Variants in COL24A1 observed in about 807,000 individuals in gnomAD.
The protein encoded by COL24A1 is collagen alpha-1(XXIV) chain.
COL24A1 carries 224 observed loss-of-function variants against 253.9 expected under a neutral mutation model. That is an observed-to-expected ratio of 0.88 (90% confidence interval 0.79 to 0.99). The LOEUF is 0.99. COL24A1 is among the 50% of genes least tolerant of loss of function. The pLI is 0.00. For missense variants in COL24A1, 2,131 were observed against 2,068.5 expected, an observed-to-expected ratio of 1.03 and a Z score of -0.59; for synonymous variants, 685 against 673.7, an observed-to-expected ratio of 1.02 and a Z score of -0.26.
rs559215534 is a variant in COL24A1, at chr1:85,822,370, A to G, written c.3789+1166T>C. On this transcript the variant is annotated intron_variant, in intron 45 of 59. Coordinates refer to ENST00000370571, the MANE Select transcript of COL24A1 (RefSeq NM_152890.7). The stretch of plus-strand genomic sequence containing the variant: ...ATTCATTCTCATCTAATTTATTATT[A>G]ACAGTGTAGTGCATTTTCTTAAGAA... Among the ~76,000 whole-genome samples, 33 of 152,210 alleles carry G rather than the reference A, an allele frequency of 2.2e-4. 1 individual carries two copies. The highest frequency in any genetic ancestry group is 4.4e-4 in the Non-Finnish European group (30 of 68,038).
At chr1:86,030,862 T>C (rs1474942048) in intron 14 of COL24A1, among the ~76,000 whole-genome samples, 1 of 151,776 alleles carries the variant, frequency 6.6e-6, no homozygotes, top group Non-Finnish European at 1.5e-5. Flanking sequence ...CCTCCTAAAG[T>C]GCTGGGATCA....
Position 86,125,393 on chromosome 1 carries a change from A to T in COL24A1, c.943T>A (p.Ser315Thr), listed in dbSNP as rs773507761. ...GAGACATTTCCTGACTGAAGAGAAG[A>T]TAACTGAGATCTTGATATCTGGTGT... Reference protein sequence around the residue: ...QEHQISRSQLSSLQSGNVSAV... With the variant: ...QEHQISRSQLTSLQSGNVSAV... The change falls in exon 3 of 60, where the codon TCT becomes ACT. Residue 315 changes from serine to threonine, a missense_variant. Ser to Thr is a moderately conservative substitution (Grantham distance 58). Coordinates refer to ENST00000370571, the MANE Select transcript of COL24A1 (RefSeq NM_152890.7). 2 of 1,613,644 alleles carry T rather than the reference A, an allele frequency of 1.2e-6. No individual in the cohort carries two copies. The highest frequency in any genetic ancestry group is 1.7e-6 in the Non-Finnish European group (2 of 1,179,806).
At position 85,965,065 on chromosome 1, in the gene COL24A1, A is replaced by T; in HGVS notation, c.2464-3T>A. The T allele has an allele frequency of 6.2e-7, 1 of 1,607,110 alleles. No individual in the cohort carries two copies. Among genetic ancestry groups the T allele is most frequent in the Non-Finnish European group, 8.5e-7 (1 of 1,176,078 alleles). On this transcript the variant is annotated splice_region_variant and splice_polypyrimidine_tract_variant and intron_variant, in intron 22 of 59. Transcript: ENST00000370571. ...TACCCCTTTTGACCTGGTTTTCCCT[A>T]GAAGAGAACAGCATAAAAGAAGAAA...
rs982473253 is a variant in COL24A1, at chr1:85,774,165, A to G, written c.4374+1509T>C. Among the ~76,000 whole-genome samples, 3 of 152,140 alleles carry G rather than the reference A, an allele frequency of 2.0e-5. No homozygotes were observed. The East Asian group carries it at 5.8e-4, about 29-fold the overall frequency. On this transcript the variant is annotated intron_variant, in intron 53 of 59. Transcript: ENST00000370571. Reference sequence around the variant, plus strand: ...GTCTTTGTTTCTGTTTATGTGACGGATTATGCTTATTAATTTGCGTATGTT... The same window carrying G: ...GTCTTTGTTTCTGTTTATGTGACGGGTTATGCTTATTAATTTGCGTATGTT...
At chr1:85,978,159 GTT>G (rs1056287245) in intron 20 of COL24A1, among the ~76,000 whole-genome samples, 1 of 152,032 alleles carries the variant, frequency 6.6e-6, no homozygotes, top group African/African-American at 2.4e-5. Flanking sequence ...AGGTAAAGTC[GTT>G]TTCAGACAAA....
intron 20 of COL24A1, among the ~76,000 whole-genome samples, chr1:85,985,052 CAATT>C (rs1300873240): frequency 1.3e-5 from 2 of 151,794 alleles, no homozygotes; most frequent in African/African-American, 2.4e-5. Context: ...TATATAAAAT[CAATT>C]AATCTTTCTC....
chr1:86,030,878 A>C (rs567032429), intron 14 of COL24A1, among the ~76,000 whole-genome samples: 7 of 151,900 alleles, frequency 4.6e-5, no homozygotes, highest in Admixed American at 2.0e-4. Flanking sequence ...GATCATAGGC[A>C]TGAGCCACCA....
intron 23 of COL24A1, among the ~76,000 whole-genome samples, chr1:85,961,781 A>T (rs1408936462): frequency 6.6e-6 from 1 of 152,192 alleles, no homozygotes; most frequent in African/African-American, 2.4e-5. Context: ...TTGGAGCAGG[A>T]GAGAGTGAGA....
chr1:85,969,416 T>C lies in COL24A1; in HGVS notation c.2463+811A>G, dbSNP rs538806037. On this transcript the variant is annotated intron_variant, in intron 22 of 59. Transcript: ENST00000370571. ...GGCCAGGAGTTCAAGACCAGCCTGA[T>C]CAACATGGTAAAACCCCATCTCTAC... is the stretch of plus-strand genomic sequence containing the variant. 2.0e-5 allele frequency among the ~76,000 whole-genome samples: 3 copies of C among 151,498 alleles called. No homozygotes were observed. In the South Asian group the frequency reaches 6.3e-4, roughly 32 times the overall value.
intron 24 of COL24A1, among the ~76,000 whole-genome samples, chr1:85,925,163 A>C (rs1046510654): frequency 1.3e-5 from 2 of 152,212 alleles, no homozygotes; most frequent in Non-Finnish European, 2.9e-5. Context: ...CTGAACAATG[A>C]AATAAAAGAG....
At chr1:86,055,167 G>A (rs995885661) in intron 10 of COL24A1, among the ~76,000 whole-genome samples, 1 of 152,124 alleles carries the variant, frequency 6.6e-6, no homozygotes, top group Admixed American at 6.5e-5. Context: ...AAAAAGGCAA[G>A]GGTTGAAAAA....
intron 2 of COL24A1, among the ~76,000 whole-genome samples, chr1:86,130,831 T>G (rs1649057477): frequency 6.6e-6 from 1 of 152,034 alleles, no homozygotes; most frequent in African/African-American, 2.4e-5. Flanking sequence ...TTAGTTTGTA[T>G]GGCATTTATA....
rs1702386387 is a variant in COL24A1 at position 86,078,124 on chromosome 1, AG to A, written c.1707+11049del. Reference sequence around the variant, plus strand: ...ATTATGACCAAGTGGGATTTATCTCAGGGATGCAAGGATGATTCAACACACA... The same window carrying A: ...ATTATGACCAAGTGGGATTTATCTCAGGATGCAAGGATGATTCAACACACA... On this transcript the variant is annotated intron_variant, in intron 7 of 59. Coordinates refer to ENST00000370571, the MANE Select transcript of COL24A1 (RefSeq NM_152890.7). Among the ~76,000 whole-genome samples, 5 of 152,328 alleles carry A rather than the reference AG, an allele frequency of 3.3e-5. 1 individual carries two copies. In the South Asian group the frequency reaches 1.0e-3, roughly 32 times the overall value.
chr1:85,884,869 G>C (rs1312480460), intron 32 of COL24A1, among the ~76,000 whole-genome samples: 1 of 152,278 alleles, frequency 6.6e-6, no homozygotes, highest in African/African-American at 2.4e-5. Context: ...GTAAGAACCT[G>C]TTAGGGCTCT....
chr1:85,967,124 C>T (rs1485586705), intron 22 of COL24A1, among the ~76,000 whole-genome samples: 4 of 151,988 alleles, frequency 2.6e-5, no homozygotes, highest in Non-Finnish European at 5.9e-5. Flanking sequence ...TCATCCACAA[C>T]AACAGGAAAG....
In COL24A1 at chr1:86,096,790, CTTCT is replaced by C. The variant is rs1195754744; in HGVS notation, c.1600-4474_1600-4471del. ...GACAAACTTCACTTTAAATTCATAA[CTTCT>C]TTCATTGTTTGGTCTTTTATTTAAT... On this transcript the variant is annotated intron_variant, in intron 5 of 59. Coordinates refer to ENST00000370571, the MANE Select transcript of COL24A1 (RefSeq NM_152890.7). 2.0e-4 allele frequency among the ~76,000 whole-genome samples: 30 copies of C among 152,262 alleles called. No homozygotes were observed. In the East Asian group the frequency reaches 4.4e-3, roughly 22 times the overall value.
Position 85,849,356 on chromosome 1 carries a change from T to C in COL24A1, c.3351A>G (p.Lys1117=). ...GIPGQRGRPG[K]KGDKGQIGPT... ...ATAAGAAGATGTAAAAAATTACCTT[T>C]TTTCCTGGACGACCTCTTTGCCCTG... Residue 1117 remains lysine (K), a synonymous_variant, in exon 38 of 60, where the codon AAA becomes AAG. Transcript: ENST00000370571. 7 of 1,612,820 alleles carry C rather than the reference T, an allele frequency of 4.3e-6. No individual in the cohort carries two copies. The highest frequency in any genetic ancestry group is 5.9e-6 in the Non-Finnish European group (7 of 1,179,202).
At chr1:85,981,554 A>G (rs371534066) in intron 20 of COL24A1, among the ~76,000 whole-genome samples, 44 of 152,242 alleles carry the variant, frequency 2.9e-4, no homozygotes, top group African/African-American at 9.4e-4. Flanking sequence ...AGAAGATAAC[A>G]CTGGAAAAAA....
At position 85,734,738 on chromosome 1, in the gene COL24A1, C is replaced by T. The variant is rs113601234; in HGVS notation, c.4998+11G>A. 6.8e-6 allele frequency: 11 copies of T among 1,608,036 alleles called. No homozygotes were observed. Among genetic ancestry groups the T allele is most frequent in the African/African-American group, 6.7e-5 (5 of 74,870 alleles). ...TTATATTGAACAATTCTAAAAGTGC[C>T]ATTTCCTTACCTTGCAGTCATCTGA... On this transcript the variant is annotated intron_variant, in intron 59 of 59. Coordinates refer to ENST00000370571, the MANE Select transcript of COL24A1 (RefSeq NM_152890.7).
Sources: allele counts gnomAD v4.1 joint callset (sites outside exome capture counted in the v4.1 genomes callset), GRCh38; gene constraint gnomAD v4.1.1; transcripts MANE v1.5; gene names NCBI Gene and HGNC (gene_info 2026-07-23, HGNC 2026-07-21).